Variants in TMEM183A observed in about 807,000 individuals in gnomAD.
The protein encoded by TMEM183A is chromosome 1 open reading frame 37.
Under a neutral mutation model 46.7 loss-of-function variants are expected in TMEM183A, and 21 were observed. The ratio of observed to expected loss-of-function variants is 0.45; its 90% CI spans 0.32 to 0.65. The LOEUF (loss-of-function observed/expected upper bound fraction) is 0.65. Ranked by LOEUF, TMEM183A falls within the 30% of genes least tolerant of loss-of-function variation. The probability of loss-of-function intolerance (pLI) is 0.04; values close to 1 mark genes in which losing one functional copy is unlikely to be tolerated. For missense variants in TMEM183A, 331 were observed against 481.9 expected (o/e 0.69, Z 2.93); for synonymous variants, 165 against 180.2 (o/e 0.92, Z 0.68).
At chr1:203,022,828 G>A (rs751319382) in intron 7 of TMEM183A, 27 bp from the exon 8 acceptor site, 38 of 1,613,616 alleles carry the variant, frequency 2.4e-5, no homozygotes, top group Non-Finnish European at 2.5e-5. Context: ...GTGTAAGTTG[G>A]ATACTGAATT....
chr1:203,016,226 G>A, intron 5 of TMEM183A, 86 bp downstream of exon 5: 1 of 1,589,112 alleles, frequency 6.3e-7, no homozygotes, highest in Non-Finnish European at 8.6e-7. Flanking sequence ...CTTCCTTGAT[G>A]GGGAGGGGTG....
In TMEM183A at chr1:203,015,135, T is replaced by C. The variant is rs989645780; in HGVS notation, c.527+87T>C. 4 of 1,552,556 alleles carry C rather than the reference T, an allele frequency of 2.6e-6. No individual in the cohort carries two copies. In the African/African-American group the frequency reaches 4.1e-5, roughly 16 times the overall value. Reference sequence around the variant, plus strand: ...TGGAGCTACTCACTGGATGGTGACCTCTTTTCACTTTCTCTACTCCATGTC... The same window carrying C: ...TGGAGCTACTCACTGGATGGTGACCCCTTTTCACTTTCTCTACTCCATGTC... On this transcript the variant is annotated intron_variant, in intron 4 of 7. Coordinates refer to ENST00000367242, the MANE Select transcript of TMEM183A (RefSeq NM_138391.6).
chr1:203,022,702 C>CAAA (rs112434420), intron 7 of TMEM183A, among the ~76,000 whole-genome samples, 153 bp from the exon 8 acceptor site: 4 of 100,600 alleles, frequency 4.0e-5, no homozygotes, highest in African/African-American at 7.4e-5. Flanking sequence ...GGTCCTTTCT[C>CAAA]AAAAAAAAAA....
chr1:203,015,226 C>T, intron 4 of TMEM183A, 178 bp downstream of exon 4: 1 of 927,072 alleles, frequency 1.1e-6, no homozygotes, highest in South Asian at 1.8e-5. Flanking sequence ...TATTAATTAT[C>T]CAGGTAATTG....
chr1:203,014,170 A>G (rs1328675372), intron 3 of TMEM183A, among the ~76,000 whole-genome samples: 1 of 152,018 alleles, frequency 6.6e-6, no homozygotes. Context: ...GGAGTCGGAA[A>G]CTCTTGGTTC....
At chr1:203,011,218 C>T (rs768594874) in intron 3 of TMEM183A, among the ~76,000 whole-genome samples, 12 of 152,092 alleles carry the variant, frequency 7.9e-5, no homozygotes, top group Non-Finnish European at 1.8e-4. Context: ...GTGTGTGCAT[C>T]GTTTTATATT....
intron 5 of TMEM183A, among the ~76,000 whole-genome samples, chr1:203,017,027 T>C (rs2102558361): frequency 6.6e-6 from 1 of 152,338 alleles, no homozygotes; most frequent in African/African-American, 2.4e-5. Context: ...GATCATATCC[T>C]ACCTAATACA....
rs370305350 is a variant in TMEM183A, at chr1:203,012,235, T to TCTCACA, written c.368-2653_368-2652insTCACAC. Among the ~76,000 whole-genome samples the TCTCACA allele has an allele frequency of 8.0e-4, 65 of 80,836 alleles. 5 individuals are homozygous for TCTCACA. The highest frequency in any genetic ancestry group is 2.8e-3 in the African/African-American group (59 of 20,726). 53.0% of individuals were successfully genotyped at this position (80,836 alleles called of 152,430 possible). Reference sequence around the variant, plus strand: ...ACTTCAACCATTACTCCCCACTCCATCACACACACACACACACACACACAC... The same window carrying TCTCACA: ...ACTTCAACCATTACTCCCCACTCCATCTCACACACACACACACACACACACACACAC... On this transcript the variant is annotated intron_variant, in intron 3 of 7. Coordinates refer to ENST00000367242, the MANE Select transcript of TMEM183A (RefSeq NM_138391.6).
intron 6 of TMEM183A, 137 bp from the exon 7 acceptor site, chr1:203,020,656 A>T: frequency 8.9e-7 from 1 of 1,119,568 alleles, no homozygotes; most frequent in Admixed American, 2.8e-5. Context: ...TGATCTCTGT[A>T]TAGAAACATG....
rs1419257652 is a variant in TMEM183A at position 203,024,277 on chromosome 1, C to T, written c.*1237C>T. On this transcript the variant is annotated 3_prime_UTR_variant, in exon 8 of 8. Coordinates refer to ENST00000367242, the MANE Select transcript of TMEM183A (RefSeq NM_138391.6). Reference sequence around the variant, plus strand: ...TGTCCTCCTGTTGTTTAGATGACTCCTATTGTTCAGGTGTACTCTGAGAAG... The same window carrying T: ...TGTCCTCCTGTTGTTTAGATGACTCTTATTGTTCAGGTGTACTCTGAGAAG... 6.6e-6 allele frequency: 1 copy of T among 152,122 alleles called. No individual in the cohort carries two copies. The highest frequency in any genetic ancestry group is 2.4e-5 in the African/African-American group (1 of 41,400). The allele number at this position is 152,122 out of a possible 1,614,324, so 9.4% of individuals were successfully genotyped here.
chr1:203,007,584 G>T lies in TMEM183A; in HGVS notation c.109+10G>T, dbSNP rs1343832133. On this transcript the variant is annotated intron_variant, in intron 1 of 7. Coordinates refer to ENST00000367242, the MANE Select transcript of TMEM183A (RefSeq NM_138391.6). Reference sequence around the variant, plus strand: ...GCCTGCTCCGGCCGAGGTGGGCGAGGGGGGCAGGGGCGCTGAAACATTTTG... The same window carrying T: ...GCCTGCTCCGGCCGAGGTGGGCGAGTGGGGCAGGGGCGCTGAAACATTTTG... 3.2e-6 allele frequency: 5 copies of T among 1,542,282 alleles called. No individual in the cohort carries two copies. Among genetic ancestry groups the T allele is most frequent in the African/African-American group, 2.7e-5 (2 of 73,368 alleles).
At chr1:203,020,701 C>A in intron 6 of TMEM183A, 92 bp from the exon 7 acceptor site, 1 of 1,499,954 alleles carries the variant, frequency 6.7e-7, no homozygotes, top group Non-Finnish European at 9.2e-7. Context: ...ATCTCACTAG[C>A]TTTAGTTGAG....
chr1:203,007,624 G>T, intron 1 of TMEM183A, 50 bp downstream of exon 1: 9 of 1,529,810 alleles, frequency 5.9e-6, no homozygotes, highest in Non-Finnish European at 7.0e-6. Context: ...CTGGCGGCTG[G>T]GAGGGGGCTG....
intron 5 of TMEM183A, 57 bp from the exon 6 acceptor site, chr1:203,018,424 A>G: frequency 6.4e-7 from 1 of 1,565,538 alleles, no homozygotes; most frequent in Non-Finnish European, 8.6e-7. Flanking sequence ...GTTGTAGTGT[A>G]TTTTGATTTT....
chr1:203,022,771 T>G (rs1286346703), intron 7 of TMEM183A, 84 bp from the exon 8 acceptor site: 1 of 1,572,578 alleles, frequency 6.4e-7, no homozygotes, highest in Non-Finnish European at 8.7e-7. Context: ...CAGTATAAAT[T>G]AGTCTGGACT....
At chr1:203,018,375 T>C (rs968472202) in intron 5 of TMEM183A, 106 bp from the exon 6 acceptor site, 7 of 1,324,172 alleles carry the variant, frequency 5.3e-6, no homozygotes, top group African/African-American at 3.0e-5. Flanking sequence ...TGGCTGGCTT[T>C]AGAGCTGTCA....
At chr1:203,011,152 ATTATACAGAAACTCTATGTTTAACT>A in intron 3 of TMEM183A, among the ~76,000 whole-genome samples, 1 of 152,228 alleles carries the variant, frequency 6.6e-6, no homozygotes, top group South Asian at 2.1e-4. Flanking sequence ...AAATTGCTGG[ATTATACAGAAACTCTATGTTTAACT>A]TTTGGAGGAA....
At chr1:203,016,982 A>G (rs1325840514) in intron 5 of TMEM183A, among the ~76,000 whole-genome samples, 1 of 152,180 alleles carries the variant, frequency 6.6e-6, no homozygotes, top group Non-Finnish European at 1.5e-5. Flanking sequence ...TGCACATTAT[A>G]TAATGATTCT....
In TMEM183A at chr1:203,023,059, T is replaced by TG; in HGVS notation, c.*24dup. On this transcript the variant is annotated 3_prime_UTR_variant, in exon 8 of 8. Coordinates refer to ENST00000367242, the MANE Select transcript of TMEM183A (RefSeq NM_138391.6). The stretch of plus-strand genomic sequence containing the variant: ...AGCGTAGTTACTGCTTCCCATCCCT[T>TG]GGGGGCAGCCTCGAGTGTAGTCCAT... The TG allele has an allele frequency of 6.9e-7, 1 of 1,447,618 alleles. No individual in the cohort carries two copies. Among genetic ancestry groups the TG allele is most frequent in the Non-Finnish European group, 9.4e-7 (1 of 1,061,350 alleles). 89.7% of individuals were successfully genotyped at this position (1,447,618 alleles called of 1,614,324 possible). A position where few individuals can be genotyped will look rare whatever the true frequency, so the allele number is the denominator to read the frequency against.
Sources: allele counts gnomAD v4.1 joint callset (sites outside exome capture counted in the v4.1 genomes callset), GRCh38; gene constraint gnomAD v4.1.1; transcripts MANE v1.5; gene names NCBI Gene and HGNC (gene_info 2026-07-23, HGNC 2026-07-21).